The following ARHGEF6 variants were observed in gnomAD, a reference collection of about 807,000 sequenced individuals.
The protein encoded by ARHGEF6 is Rac/Cdc42 guanine nucleotide exchange factor 6, also known as rho guanine nucleotide exchange factor 6.
Under a neutral mutation model 70.3 loss-of-function variants are expected in ARHGEF6, and 9 were observed. The ratio of observed to expected loss-of-function variants is 0.13; its 90% CI spans 0.08 to 0.22. The LOEUF (loss-of-function observed/expected upper bound fraction) is 0.22. Among genes scored for constraint, ARHGEF6 ranks in the 10% least tolerant of loss-of-function variants. ARHGEF6 has a pLI of 1.00. For missense variants in ARHGEF6, 470 were observed against 563.0 expected (o/e 0.83, Z 1.67); for synonymous variants, 201 against 207.8 (o/e 0.97, Z 0.28).
Position 136,668,024 on chromosome X carries a change from G to A in ARHGEF6, c.*5C>T, listed in dbSNP as rs1421559294. On this transcript the variant is annotated 3_prime_UTR_variant, in exon 22 of 22. Coordinates refer to ENST00000250617, the MANE Select transcript of ARHGEF6 (RefSeq NM_004840.3). ...GGCACACTCCACCCAGTGGCACAGT[G>A]ATGGTTATGGAAGAATTGAGGTCTT... 1 of 1,211,746 alleles carries A rather than the reference G, an allele frequency of 8.3e-7. No individual in the cohort carries two copies. The highest frequency in any genetic ancestry group is 1.8e-5 in the South Asian group (1 of 56,997).
At chrX:136,742,792 C>T (rs1456689684) in intron 5 of ARHGEF6, among the ~76,000 whole-genome samples, 1 of 110,960 alleles carries the variant, frequency 9.0e-6, no homozygotes, top group Non-Finnish European at 1.9e-5. Flanking sequence ...CTGGGCAACA[C>T]AGGCAGATCC....
intron 2 of ARHGEF6, among the ~76,000 whole-genome samples, chrX:136,748,108 C>T (rs762713323): frequency 5.4e-5 from 6 of 111,879 alleles, no homozygotes; most frequent in South Asian, 7.5e-4. Context: ...AACTGCCACC[C>T]GCTGCATCCC....
At chrX:136,676,775 A>G (rs767154635) in intron 17 of ARHGEF6, 58 bp from the exon 18 acceptor site, 1 of 833,256 alleles carries the variant, frequency 1.2e-6, no homozygotes, top group Non-Finnish European at 1.8e-6. Context: ...CAAAAGTAAA[A>G]GCATGAATGA....
chrX:136,720,595 T>G (rs2148631047), intron 6 of ARHGEF6, among the ~76,000 whole-genome samples: 1 of 111,759 alleles, frequency 8.9e-6, no homozygotes, highest in South Asian at 3.7e-4. Context: ...CTACTAAGAT[T>G]AGGAACAAAA....
rs749988591 is a variant in ARHGEF6, at chrX:136,716,650, T to C, written c.733-3280A>G. On this transcript the variant is annotated intron_variant, in intron 6 of 21. Coordinates refer to ENST00000250617, the MANE Select transcript of ARHGEF6 (RefSeq NM_004840.3). ...ACTTAAGTCAGGTAACACAGGAATG[T>C]TAGAATTATCAGACCAGTGTTTTTA... Among the ~76,000 whole-genome samples, 3 of 112,169 alleles carry C rather than the reference T, an allele frequency of 2.7e-5. No individual in the cohort carries two copies. The South Asian group carries it at 1.1e-3, about 41-fold the overall frequency.
chrX:136,686,185 C>T (rs1043747455), intron 11 of ARHGEF6, among the ~76,000 whole-genome samples: 1 of 112,282 alleles, frequency 8.9e-6, no homozygotes, highest in African/African-American at 3.2e-5. Context: ...CTGGTTGGTG[C>T]CCCTGCTTTA....
At position 136,668,040 on chromosome X, in the gene ARHGEF6, T is replaced by C. The variant is rs1421909722; in HGVS notation, c.2320A>G (p.Ile774Val). The change falls in exon 22 of 22, where the codon ATT becomes GTT. Residue 774 changes from isoleucine (I) to valine (V), a missense_variant. Transcript: ENST00000250617. ...TGGCACAGTGATGGTTATGGAAGAA[T>C]TGAGGTCTTGCTACTGGACTCGCCT... ...IRGESSSKTS[I>V]LP is the part of the protein sequence containing the mutation. The C allele has an allele frequency of 2.5e-6, 3 of 1,211,827 alleles. No homozygotes were observed. Among genetic ancestry groups the C allele is most frequent in the Non-Finnish European group, 3.3e-6 (3 of 895,540 alleles).
At chrX:136,779,974 T>C (rs1470922704) in intron 1 of ARHGEF6, among the ~76,000 whole-genome samples, 1 of 112,238 alleles carries the variant, frequency 8.9e-6, no homozygotes, top group East Asian at 2.8e-4. Context: ...ATTTGCTCAA[T>C]AAAAATACAA....
At chrX:136,779,350 A>G in intron 2 of ARHGEF6, 64 bp downstream of exon 2, 2 of 1,004,046 alleles carry the variant, frequency 2.0e-6, no homozygotes, top group Non-Finnish European at 2.8e-6. Context: ...TACTCTTACT[A>G]CCAATCTTGA....
At chrX:136,753,564 C>T (rs890990810) in intron 2 of ARHGEF6, among the ~76,000 whole-genome samples, 6 of 111,713 alleles carry the variant, frequency 5.4e-5, no homozygotes, top group African/African-American at 2.0e-4. Context: ...AATGGACTCA[C>T]ACTAGCCAAG....
At chrX:136,702,445 A>G (rs1316805699) in intron 9 of ARHGEF6, among the ~76,000 whole-genome samples, 1 of 112,467 alleles carries the variant, frequency 8.9e-6, no homozygotes, top group Non-Finnish European at 1.9e-5. Context: ...TAAAAGAATG[A>G]GACTGTCAGA....
At chrX:136,751,274 A>G (rs2077147959) in intron 2 of ARHGEF6, among the ~76,000 whole-genome samples, 1 of 112,315 alleles carries the variant, frequency 8.9e-6, no homozygotes, top group Non-Finnish European at 1.9e-5. Context: ...AAACTGCAAG[A>G]AGTTAATATT....
rs769070924 is a variant in ARHGEF6, at chrX:136,687,944, G to A, written c.1233C>T (p.Phe411=). 9 of 1,206,065 alleles carry A rather than the reference G, an allele frequency of 7.5e-6. No individual in the cohort carries two copies. The South Asian group carries it at 1.6e-4, about 21-fold the overall frequency. ...AAGCATCACCTACCATGAGAGTTTTGAATGCTACGATTGCTTTCAGAATAT... is the reference window on the plus strand; with the variant it reads ...AAGCATCACCTACCATGAGAGTTTTAAATGCTACGATTGCTTTCAGAATAT... The part of the protein sequence containing the change: ...HQDILKAIVA[F]KTLMGQCQDL... Residue 411 remains phenylalanine, a synonymous_variant, in exon 11 of 22, where the codon TTC becomes TTT. Coordinates refer to ENST00000250617, the MANE Select transcript of ARHGEF6 (RefSeq NM_004840.3).
intron 7 of ARHGEF6, among the ~76,000 whole-genome samples, chrX:136,712,444 G>A (rs2076696453): frequency 8.9e-6 from 1 of 112,413 alleles, no homozygotes; most frequent in Admixed American, 9.4e-5. Context: ...ACTTATTTAA[G>A]TTTGAAGCTG....
chrX:136,722,959 T>C (rs776240895), intron 6 of ARHGEF6, among the ~76,000 whole-genome samples: 14 of 112,686 alleles, frequency 1.2e-4, no homozygotes, highest in Non-Finnish European at 2.4e-4. Context: ...GAATATTACT[T>C]AGCTATAAAA....
intron 9 of ARHGEF6, among the ~76,000 whole-genome samples, chrX:136,695,012 GGAA>G (rs1411169261): frequency 5.4e-5 from 6 of 111,801 alleles, no homozygotes; most frequent in Admixed American, 9.5e-5. Context: ...AAGGCCGAAA[GGAA>G]GAAGTTCACC....
At chrX:136,678,932 C>A (rs1039025654) in intron 16 of ARHGEF6, among the ~76,000 whole-genome samples, 1 of 111,259 alleles carries the variant, frequency 9.0e-6, no homozygotes, top group Admixed American at 9.5e-5. Flanking sequence ...CACTTCCTGA[C>A]TGCAACTTTG....
chrX:136,676,585 T>A (rs1239917901), intron 18 of ARHGEF6, 39 bp downstream of exon 18: 1 of 1,039,485 alleles, frequency 9.6e-7, no homozygotes, highest in East Asian at 3.0e-5. Context: ...TCATGTTAAT[T>A]TATCCATAAA....
chrX:136,718,330 T>C (rs12848959), intron 6 of ARHGEF6, among the ~76,000 whole-genome samples: 23,618 of 110,418 alleles, frequency 0.21, 2,451 homozygotes, highest in East Asian at 0.64. Flanking sequence ...GTCCTTAATA[T>C]GTATGTGCCT....
Sources: allele counts gnomAD v4.1 joint callset (sites outside exome capture counted in the v4.1 genomes callset), GRCh38; gene constraint gnomAD v4.1.1; transcripts MANE v1.5; gene names NCBI Gene and HGNC (gene_info 2026-07-23, HGNC 2026-07-21).